NELL1: variants seen among roughly 807,000 people sequenced by gnomAD.
NELL1 encodes the protein protein kinase C-binding protein NELL1.
Under a neutral mutation model 107.4 loss-of-function variants are expected in NELL1, and 76 were observed. That is an observed-to-expected ratio of 0.71 (90% CI 0.59 to 0.86). The LOEUF is 0.86. Among genes scored for constraint, NELL1 ranks in the 40% least tolerant of loss-of-function variants. The probability of loss-of-function intolerance (pLI) is 0.00; values close to 1 mark genes in which losing one functional copy is unlikely to be tolerated. For missense variants in NELL1, 1,024 were observed against 1,005.5 expected, an observed-to-expected ratio of 1.02 and a Z score of -0.25; for synonymous variants, 353 against 341.2, an observed-to-expected ratio of 1.03 and a Z score of -0.38.
At chr11:20,716,927 C>T (rs1855265606) in intron 2 of NELL1, among the ~76,000 whole-genome samples, 2 of 152,184 alleles carry the variant, frequency 1.3e-5, no homozygotes, top group African/African-American at 4.8e-5. Flanking sequence ...AAATGGATTC[C>T]TCTGAAACTT....
intron 10 of NELL1, among the ~76,000 whole-genome samples, chr11:20,944,431 T>G (rs1268764227): frequency 6.6e-6 from 1 of 152,192 alleles, no homozygotes; most frequent in Non-Finnish European, 1.5e-5. Context: ...AGCAACAATT[T>G]TTTACTTGAA....
intron 13 of NELL1, among the ~76,000 whole-genome samples, chr11:21,189,525 C>A (rs527709236): frequency 8.6e-5 from 13 of 151,728 alleles, no homozygotes; most frequent in Non-Finnish European, 1.9e-4. Flanking sequence ...GTTACCTATA[C>A]TTTAGACAAG....
intron 4 of NELL1, among the ~76,000 whole-genome samples, chr11:20,863,323 T>TACCC (rs1564939312): frequency 1.9e-5 from 1 of 52,954 alleles, no homozygotes; most frequent in South Asian, 6.5e-4. Flanking sequence ...CAGGGGCTGT[T>TACCC]CTCCACCTCC....
intron 17 of NELL1, among the ~76,000 whole-genome samples, chr11:21,564,689 G>A (rs982724165): frequency 2.6e-5 from 4 of 151,854 alleles, no homozygotes; most frequent in Non-Finnish European, 5.9e-5. Flanking sequence ...TAGTTCTTGA[G>A]TTTTTCTGGG....
At chr11:20,706,987 T>A (rs2511371) in intron 2 of NELL1, among the ~76,000 whole-genome samples, 29,605 of 152,182 alleles carry the variant, frequency 0.19, 3,175 homozygotes, top group African/African-American at 0.25. Flanking sequence ...ACTCTCCCCA[T>A]CATTTTTAGG....
intron 13 of NELL1, among the ~76,000 whole-genome samples, chr11:21,117,435 A>G (rs542783599): frequency 8.5e-5 from 13 of 152,128 alleles, no homozygotes; most frequent in Non-Finnish European, 1.6e-4. Context: ...ACATTTGTTG[A>G]ATGAAATAAT....
intron 16 of NELL1, among the ~76,000 whole-genome samples, chr11:21,547,979 C>A (rs915053883): frequency 1.3e-5 from 2 of 151,752 alleles, no homozygotes; most frequent in African/African-American, 4.8e-5. Flanking sequence ...TCTACCGATT[C>A]CTAAATATAC....
chr11:21,210,016 A>G (rs1234688083), intron 13 of NELL1, among the ~76,000 whole-genome samples: 3 of 152,108 alleles, frequency 2.0e-5, no homozygotes, highest in Non-Finnish European at 4.4e-5. Context: ...TCTTTTGTTT[A>G]GCATAGTGAT....
intron 15 of NELL1, among the ~76,000 whole-genome samples, chr11:21,481,789 A>G (rs903732697): frequency 2.0e-5 from 3 of 152,204 alleles, no homozygotes; most frequent in Admixed American, 6.5e-5. Flanking sequence ...ACTGACTCCC[A>G]TTGAATGTGT....
chr11:21,496,301 A>G (rs760616047), intron 15 of NELL1, among the ~76,000 whole-genome samples: 17 of 148,860 alleles, frequency 1.1e-4, no homozygotes, highest in Non-Finnish European at 2.2e-4. Flanking sequence ...TTCTTTTTCT[A>G]TTTCTTGTTT....
At chr11:20,759,832 G>A (rs1347172686) in intron 2 of NELL1, among the ~76,000 whole-genome samples, 3 of 152,216 alleles carry the variant, frequency 2.0e-5, no homozygotes, top group South Asian at 4.1e-4. Context: ...GGGGAGCAGA[G>A]TGTTCCTGGG....
At chr11:20,700,069 A>T (rs1179181792) in intron 2 of NELL1, among the ~76,000 whole-genome samples, 1 of 152,102 alleles carries the variant, frequency 6.6e-6, no homozygotes, top group Non-Finnish European at 1.5e-5. Context: ...TGATGCTTTC[A>T]TTATCAGTCA....
chr11:21,319,122 C>T (rs942298613), intron 14 of NELL1, among the ~76,000 whole-genome samples: 2 of 136,582 alleles, frequency 1.5e-5, no homozygotes, highest in African/African-American at 5.4e-5. Flanking sequence ...AGAGTGACAT[C>T]TCAGCAATAT....
intron 12 of NELL1, among the ~76,000 whole-genome samples, chr11:20,973,785 G>A (rs1201834332): frequency 6.6e-6 from 1 of 152,206 alleles, no homozygotes; most frequent in Non-Finnish European, 1.5e-5. Flanking sequence ...CTAAGGAGCT[G>A]CTATAGAGAT....
intron 15 of NELL1, among the ~76,000 whole-genome samples, chr11:21,425,400 A>T (rs1273819558): frequency 6.6e-6 from 1 of 152,182 alleles, no homozygotes; most frequent in African/African-American, 2.4e-5. Flanking sequence ...TACCTTCCTT[A>T]GCAAAAATAA....
chr11:20,752,410 G>A (rs912936216), intron 2 of NELL1, among the ~76,000 whole-genome samples: 7 of 152,264 alleles, frequency 4.6e-5, no homozygotes, highest in South Asian at 2.1e-4. Context: ...TTAGCTGGGC[G>A]TGGTGGTGCA....
chr11:21,236,724 CTT>C (rs1391760424), intron 14 of NELL1, among the ~76,000 whole-genome samples: 1 of 152,016 alleles, frequency 6.6e-6, no homozygotes, highest in Non-Finnish European at 1.5e-5. Context: ...TTTATTGACC[CTT>C]TTTAGACTCA....
rs557274365 is a variant in NELL1 at position 21,276,693 on chromosome 11, A to G, written c.1549+47239A>G. Among the ~76,000 whole-genome samples the G allele has an allele frequency of 3.9e-5, 6 of 152,324 alleles. No homozygotes were observed. The East Asian group carries it at 1.2e-3, about 29-fold the overall frequency. On this transcript the variant is annotated intron_variant, in intron 14 of 19. Coordinates refer to ENST00000357134, the MANE Select transcript of NELL1 (RefSeq NM_006157.5). ...CAAAACAGCATGGTACTGGTGCCAAAACAGAGATATAGACCAATGGAACAG... is the reference window on the plus strand; with the variant it reads ...CAAAACAGCATGGTACTGGTGCCAAGACAGAGATATAGACCAATGGAACAG...
chr11:21,048,364 A>G (rs536514467), intron 12 of NELL1, among the ~76,000 whole-genome samples: 14 of 152,132 alleles, frequency 9.2e-5, no homozygotes, highest in Admixed American at 7.2e-4. Context: ...TTTCATATTC[A>G]TTTAAAAAAG....
Sources: allele counts gnomAD v4.1 joint callset (sites outside exome capture counted in the v4.1 genomes callset), GRCh38; gene constraint gnomAD v4.1.1; transcripts MANE v1.5; gene names NCBI Gene and HGNC (gene_info 2026-07-23, HGNC 2026-07-21).